Variants in ST18 observed in about 807,000 individuals in gnomAD.
ST18 encodes suppression of tumorigenicity 18 protein.
ST18 carries 50 observed loss-of-function variants against 110.0 expected under a neutral mutation model. The observed-to-expected ratio is 0.45, with a 90% CI of 0.36 to 0.58. The LOEUF (loss-of-function observed/expected upper bound fraction) is 0.58, where lower values mean the gene tolerates loss of function less well. Among genes scored for constraint, ST18 ranks in the 20% least tolerant of loss-of-function variants. The pLI is 0.00. For missense variants in ST18, 1,306 were observed against 1,280.1 expected (o/e 1.02, Z -0.31); for synonymous variants, 461 against 452.4 (o/e 1.02, Z -0.24).
At chr8:52,139,700 G>A (rs778226260) in intron 17 of ST18, among the ~76,000 whole-genome samples, 5 of 148,392 alleles carry the variant, frequency 3.4e-5, no homozygotes, top group Admixed American at 1.3e-4. Context: ...GCCAGGAGAA[G>A]CCAAGAAGTG....
At chr8:52,354,109 C>A (rs1341543821) in intron 2 of ST18, among the ~76,000 whole-genome samples, 1 of 152,216 alleles carries the variant, frequency 6.6e-6, no homozygotes, top group Non-Finnish European at 1.5e-5. Flanking sequence ...TTGGTTGTCC[C>A]CAGCCAGGAC....
chr8:52,310,078 AT>A lies in ST18; in HGVS notation c.-464-80002del, dbSNP rs556513076. ...CTCACTTAATGTTTAATCCATATAT[AT>A]TTTCAATCCTACATTTGTGACATGT... On this transcript the variant is annotated intron_variant, in intron 2 of 25. Transcript: ENST00000689386. Among the ~76,000 whole-genome samples, 19 of 152,248 alleles carry A rather than the reference AT, an allele frequency of 1.2e-4. 1 individual carries two copies. The South Asian group carries it at 3.9e-3, about 32-fold the overall frequency.
intron 14 of ST18, among the ~76,000 whole-genome samples, chr8:52,159,387 G>A (rs2060838504): frequency 6.6e-6 from 1 of 151,824 alleles, no homozygotes; most frequent in Non-Finnish European, 1.5e-5. Context: ...TAATGTTATG[G>A]GGCAGGTGCA....
intron 2 of ST18, among the ~76,000 whole-genome samples, chr8:52,255,793 T>G (rs1302444307): frequency 1.3e-5 from 2 of 152,216 alleles, no homozygotes; most frequent in African/African-American, 2.4e-5. Context: ...TTCATGTCCT[T>G]TCAACATTCA....
chr8:52,249,057 C>T (rs944543778), intron 2 of ST18, among the ~76,000 whole-genome samples: 5 of 152,114 alleles, frequency 3.3e-5, no homozygotes, highest in Admixed American at 1.3e-4. Flanking sequence ...GAACCAATAA[C>T]CTGAATGGTA....
Position 52,171,825 on chromosome 8 carries a change from C to T in ST18, c.1036G>A (p.Asp346Asn), listed in dbSNP as rs536356203. Residue 346 changes from aspartate (D) to asparagine (N), a missense_variant, in exon 10 of 26, where the codon GAC (aspartate) becomes AAC (asparagine). Coordinates refer to ENST00000689386, the MANE Select transcript of ST18 (RefSeq NM_001352837.2). ...TTAAAGATTTGTCTTCCACCCATGTCGATAACTTTGGTTTGCCTCCTTTCC... is the reference window on the plus strand; with the variant it reads ...TTAAAGATTTGTCTTCCACCCATGTTGATAACTTTGGTTTGCCTCCTTTCC... ...AGERRQTKVI[D>N]MGGRQIFNNK... The T allele has an allele frequency of 3.1e-5, 50 of 1,613,796 alleles. No individual in the cohort carries two copies. The highest frequency in any genetic ancestry group is 1.7e-4 in the Middle Eastern group (1 of 6,060).
At chr8:52,203,951 C>T (rs1332881832) in intron 8 of ST18, among the ~76,000 whole-genome samples, 1 of 152,188 alleles carries the variant, frequency 6.6e-6, no homozygotes, top group Non-Finnish European at 1.5e-5. Context: ...TAATTAAATA[C>T]TCTCAGAACA....
At chr8:52,267,366 T>C (rs2094906168) in intron 2 of ST18, among the ~76,000 whole-genome samples, 1 of 151,632 alleles carries the variant, frequency 6.6e-6, no homozygotes, top group African/African-American at 2.4e-5. Flanking sequence ...CAAGGGGCCT[T>C]TAGAGAGCAG....
chr8:52,149,688 AT>A (rs2132457645), intron 16 of ST18, 43 bp downstream of exon 16: 1 of 1,589,496 alleles, frequency 6.3e-7, no homozygotes, highest in South Asian at 1.1e-5. Flanking sequence ...ATACCCTGCA[AT>A]CATGCTGTCT....
chr8:52,276,587 G>A (rs2139047846), intron 2 of ST18, among the ~76,000 whole-genome samples: 1 of 152,174 alleles, frequency 6.6e-6, no homozygotes, highest in African/African-American at 2.4e-5. Flanking sequence ...GTCCCTCCTA[G>A]TGCCCCTCTG....
At chr8:52,284,359 A>G (rs116706879) in intron 2 of ST18, among the ~76,000 whole-genome samples, 57 of 152,334 alleles carry the variant, frequency 3.7e-4, no homozygotes, top group African/African-American at 1.2e-3. Flanking sequence ...TTTGGAAAGA[A>G]TCATCTCTGA....
chr8:52,403,996 A>G (rs1054768634), intron 2 of ST18: 5 of 152,210 alleles, frequency 3.3e-5, no homozygotes, highest in African/African-American at 4.8e-5. Flanking sequence ...TCTAGTGGCT[A>G]CCATTATATC....
intron 19 of ST18, among the ~76,000 whole-genome samples, chr8:52,136,360 T>A (rs2052279428): frequency 6.6e-6 from 1 of 152,192 alleles, no homozygotes; most frequent in Non-Finnish European, 1.5e-5. Context: ...ATCACACTTT[T>A]AAAAATTATT....
At chr8:52,129,237 A>G (rs546779663) in intron 22 of ST18, among the ~76,000 whole-genome samples, 2 of 152,082 alleles carry the variant, frequency 1.3e-5, no homozygotes, top group South Asian at 2.1e-4. Context: ...AGGCTGAGGC[A>G]GGCAGATCAT....
chr8:52,402,459 T>C lies in ST18; in HGVS notation c.-465+6869A>G, dbSNP rs143503663. 3.2e-3 allele frequency among the ~76,000 whole-genome samples: 484 copies of C among 152,106 alleles called. 3 individuals are homozygous for C. Among genetic ancestry groups the C allele is most frequent in the African/African-American group, 0.011 (461 of 41,492 alleles). ...GTAGCTTGGGCCCAGGGTTCAAGGA[T>C]GTAGCTGTGACTCTAATCCTGGAGA... On this transcript the variant is annotated intron_variant, in intron 2 of 25. Transcript: ENST00000689386.
At chr8:52,284,008 C>A (rs2095429407) in intron 2 of ST18, among the ~76,000 whole-genome samples, 1 of 152,190 alleles carries the variant, frequency 6.6e-6, no homozygotes, top group South Asian at 2.1e-4. Context: ...GATCAGTCAG[C>A]TTGGTTGATT....
chr8:52,267,920 T>C (rs1564371888), intron 2 of ST18, among the ~76,000 whole-genome samples: 1 of 152,170 alleles, frequency 6.6e-6, no homozygotes, highest in African/African-American at 2.4e-5. Context: ...CTAATTCATC[T>C]AGGGCAGACG....
chr8:52,369,538 A>C (rs1423561959), intron 2 of ST18, among the ~76,000 whole-genome samples: 1 of 152,208 alleles, frequency 6.6e-6, no homozygotes, highest in African/African-American at 2.4e-5. Context: ...CAGACAGTTA[A>C]ATGAGAGAGA....
chr8:52,149,855 G>C lies in ST18; in HGVS notation c.1929C>G (p.Ser643=), dbSNP rs143124716. Residue 643 remains serine (S), a synonymous_variant, in exon 16 of 26, where the codon TCC becomes TCG. Coordinates refer to ENST00000689386, the MANE Select transcript of ST18 (RefSeq NM_001352837.2). The stretch of plus-strand genomic sequence containing the variant: ...CCAGAATGCTGCTTGTTTTGAATGG[G>C]GAAGAGGAAGGAGTTGGAATAGAAG... ...SNTSIPTPSS[S]PFKTSSILVN... is the part of the protein sequence containing the mutation. The C allele has an allele frequency of 6.0e-5, 97 of 1,614,036 alleles. No homozygotes were observed. In the African/African-American group the frequency reaches 1.3e-3, roughly 21 times the overall value.
Sources: gnomAD v4.1 joint callset for allele counts (sites outside exome capture counted in the v4.1 genomes callset) on GRCh38, gnomAD v4.1.1 for gene constraint, MANE v1.5 for transcripts, NCBI Gene and HGNC (gene_info 2026-07-23, HGNC 2026-07-21) for gene names.